Variants in LRRIQ3 observed in about 807,000 individuals in gnomAD.
LRRIQ3 encodes the protein leucine rich repeats and IQ motif containing 3, also known as leucine-rich repeat and IQ domain-containing protein 3.
In LRRIQ3, 75 loss-of-function variants were observed where a neutral mutation model predicts 59.3. The observed-to-expected ratio is 1.26, with a 90% CI of 1.05 to 1.53. LRRIQ3 has a LOEUF of 1.53. Ranked by LOEUF, LRRIQ3 falls within the 40% of genes most tolerant of loss-of-function variation. The pLI is 0.00. For synonymous variants in LRRIQ3, 250 were observed against 231.3 expected, an observed-to-expected ratio of 1.08 and a Z score of -0.73; for missense variants, 831 against 710.0, an observed-to-expected ratio of 1.17 and a Z score of -1.94.
chr1:74,062,367 C>A (rs1654743950), intron 6 of LRRIQ3, among the ~76,000 whole-genome samples: 1 of 152,012 alleles, frequency 6.6e-6, no homozygotes, highest in African/African-American at 2.4e-5. Context: ...CCATCTCACA[C>A]CAGTCAGAAT....
intron 6 of LRRIQ3, among the ~76,000 whole-genome samples, chr1:74,042,705 T>C (rs1654083820): frequency 6.6e-6 from 1 of 152,126 alleles, no homozygotes; most frequent in Admixed American, 6.6e-5. Context: ...TGGAAAATAG[T>C]AGCAGCCATC....
chr1:74,176,882 T>C (rs1479372057), intron 3 of LRRIQ3, among the ~76,000 whole-genome samples: 1 of 152,150 alleles, frequency 6.6e-6, no homozygotes, highest in Non-Finnish European at 1.5e-5. Context: ...TGGCCTCCTT[T>C]GACATCACCC....
chr1:74,121,061 A>T (rs990575257), intron 4 of LRRIQ3, among the ~76,000 whole-genome samples: 1 of 152,172 alleles, frequency 6.6e-6, no homozygotes, highest in Non-Finnish European at 1.5e-5. Context: ...ATAGGTATTT[A>T]AAAAACTTTT....
chr1:74,098,824 A>C (rs1331596739), intron 5 of LRRIQ3, among the ~76,000 whole-genome samples: 1 of 152,192 alleles, frequency 6.6e-6, no homozygotes, highest in Non-Finnish European at 1.5e-5. Flanking sequence ...TAACGAAATG[A>C]AGGCAGAAAT....
At chr1:74,069,993 T>TACTGACAA (rs1229418131) in intron 6 of LRRIQ3, among the ~76,000 whole-genome samples, 2 of 152,070 alleles carry the variant, frequency 1.3e-5, no homozygotes, top group Admixed American at 6.6e-5. Flanking sequence ...GACAAGGTTG[T>TACTGACAA]GGAGAAAAGA....
intron 3 of LRRIQ3, among the ~76,000 whole-genome samples, chr1:74,169,185 A>T (rs905692443): frequency 6.6e-6 from 1 of 152,138 alleles, no homozygotes; most frequent in Non-Finnish European, 1.5e-5. Context: ...TTGTCCTTCC[A>T]TGACTGACCT....
chr1:74,058,316 A>G (rs1654598938), intron 6 of LRRIQ3, among the ~76,000 whole-genome samples: 1 of 152,084 alleles, frequency 6.6e-6, no homozygotes, highest in African/African-American at 2.4e-5. Context: ...AATGGAATAA[A>G]CCTTTGTTCA....
intron 6 of LRRIQ3, 116 bp from the exon 7 acceptor site, chr1:74,042,049 A>T (rs1444403049): frequency 9.4e-6 from 10 of 1,068,872 alleles, no homozygotes; most frequent in Admixed American, 3.6e-5. Flanking sequence ...ACTAAGAAGA[A>T]TTTTTCCCAA....
intron 5 of LRRIQ3, among the ~76,000 whole-genome samples, chr1:74,104,332 C>T (rs1646578146): frequency 3.3e-5 from 5 of 152,070 alleles, no homozygotes; most frequent in Middle Eastern, 3.4e-3. Context: ...AATTGTATTC[C>T]TTGGTATTTA....
At chr1:74,038,950 G>T (rs989326876) in intron 7 of LRRIQ3, among the ~76,000 whole-genome samples, 1 of 152,146 alleles carries the variant, frequency 6.6e-6, no homozygotes, top group Non-Finnish European at 1.5e-5. Flanking sequence ...CTCCAGCAAG[G>T]GTGCAGAACT....
intron 5 of LRRIQ3, among the ~76,000 whole-genome samples, chr1:74,086,677 T>C (rs1216856931): frequency 6.6e-6 from 1 of 152,078 alleles, no homozygotes; most frequent in East Asian, 1.9e-4. Context: ...ATTGAGCTCA[T>C]TGGAAAGCAT....
At chr1:74,032,243 C>T (rs917081289) in intron 7 of LRRIQ3, among the ~76,000 whole-genome samples, 2 of 151,982 alleles carry the variant, frequency 1.3e-5, no homozygotes, top group Admixed American at 1.3e-4. Context: ...GGTCCTAGAA[C>T]AACCAATACA....
chr1:74,184,744 G>A (rs762243424), intron 1 of LRRIQ3, among the ~76,000 whole-genome samples: 28 of 152,052 alleles, frequency 1.8e-4, no homozygotes, highest in Non-Finnish European at 3.4e-4. Context: ...GGTGATCGAC[G>A]AACACCTTAT....
At chr1:74,143,528 G>A (rs529881427) in intron 4 of LRRIQ3, among the ~76,000 whole-genome samples, 50 of 151,606 alleles carry the variant, frequency 3.3e-4, no homozygotes, top group South Asian at 2.3e-3. Context: ...CATTTTTCAC[G>A]CAAATGTTGG....
chr1:74,098,610 A>G (rs1253928418), intron 5 of LRRIQ3, among the ~76,000 whole-genome samples: 2 of 152,192 alleles, frequency 1.3e-5, no homozygotes, highest in Non-Finnish European at 2.9e-5. Context: ...CATTCTTCTC[A>G]GTACCACATC....
intron 4 of LRRIQ3, among the ~76,000 whole-genome samples, chr1:74,131,823 G>C (rs1481781409): frequency 9.9e-5 from 15 of 152,096 alleles, no homozygotes; most frequent in Non-Finnish European, 2.9e-5. Flanking sequence ...GCACAAGACA[G>C]GGATGCCCTC....
Position 74,182,592 on chromosome 1 carries a change from T to C in LRRIQ3, c.519A>G (p.Arg173=), listed in dbSNP as rs760703011. The stretch of plus-strand genomic sequence containing the variant: ...AAAGTCGATGGTTACATGCTTTGAA[T>C]CTTTCAGGAAGATGCCAGTTCTGAA... ...EIIQNWHLPE[R]FKACNHRLFF... is the part of the protein sequence containing the mutation. The change falls in exon 3 of 8, where the codon AGA becomes AGG. Residue 173 remains arginine (R), a synonymous_variant. Transcript: ENST00000354431. 1.2e-6 allele frequency: 2 copies of C among 1,604,662 alleles called. No individual in the cohort carries two copies. The highest frequency in any genetic ancestry group is 1.7e-5 in the Admixed American group (1 of 58,510).
chr1:74,133,726 G>C (rs1353678448), intron 4 of LRRIQ3, among the ~76,000 whole-genome samples: 1 of 151,834 alleles, frequency 6.6e-6, no homozygotes, highest in African/African-American at 2.4e-5. Flanking sequence ...TGGGGGGAAG[G>C]GGGAGGGATA....
intron 4 of LRRIQ3, among the ~76,000 whole-genome samples, chr1:74,128,230 G>A (rs1360887749): frequency 1.3e-5 from 2 of 151,940 alleles, no homozygotes; most frequent in African/African-American, 4.8e-5. Context: ...GTGTACAATA[G>A]CTTTCTTGTA....
Sources: gnomAD v4.1 joint callset for allele counts (sites outside exome capture counted in the v4.1 genomes callset) on GRCh38, gnomAD v4.1.1 for gene constraint, MANE v1.5 for transcripts, NCBI Gene and HGNC (gene_info 2026-07-23, HGNC 2026-07-21) for gene names.